Variants in CPNE8 observed in about 807,000 individuals in gnomAD.
CPNE8 encodes the protein copine 8, also known as copine-8.
Under a neutral mutation model 81.5 loss-of-function variants are expected in CPNE8, and 45 were observed. That is an observed-to-expected ratio of 0.55 (90% confidence interval 0.44 to 0.71). CPNE8 has a LOEUF of 0.71. Among genes scored for constraint, CPNE8 ranks in the 30% least tolerant of loss-of-function variants. The pLI is 0.00. For missense variants in CPNE8, 594 were observed against 672.1 expected (o/e 0.88, Z 1.28); for synonymous variants, 252 against 226.3 (o/e 1.11, Z -1.02).
At chr12:38,856,958 T>A (rs1943748529) in intron 3 of CPNE8, among the ~76,000 whole-genome samples, 1 of 152,040 alleles carries the variant, frequency 6.6e-6, no homozygotes, top group Non-Finnish European at 1.5e-5. Context: ...ACTATGAGTA[T>A]CAGGGTTTTT....
intron 7 of CPNE8, among the ~76,000 whole-genome samples, chr12:38,774,915 A>G (rs1405928745): frequency 6.6e-6 from 1 of 152,124 alleles, no homozygotes; most frequent in Non-Finnish European, 1.5e-5. Context: ...AAATTATAAT[A>G]TTAGTGTTTA....
In CPNE8 at chr12:38,900,155, G is replaced by T. The variant is rs1944438863; in HGVS notation, c.98+5282C>A. On this transcript the variant is annotated intron_variant, in intron 1 of 19. Transcript: ENST00000331366. ...TTAAGCTCCAGCACACCATCAAAAA[G>T]TATCTTCCTAACACCCTAGTAGGGT... is the stretch of plus-strand genomic sequence containing the variant. 2.0e-5 allele frequency among the ~76,000 whole-genome samples: 3 copies of T among 149,738 alleles called. No individual in the cohort carries two copies. The South Asian group carries it at 6.7e-4, about 33-fold the overall frequency.
intron 3 of CPNE8, among the ~76,000 whole-genome samples, chr12:38,852,541 G>A (rs1943663340): frequency 6.6e-6 from 1 of 152,060 alleles, no homozygotes; most frequent in African/African-American, 2.4e-5. Flanking sequence ...GGCGGAGGTT[G>A]CGGTGAGCCA....
Position 38,902,786 on chromosome 12 carries a change from T to C in CPNE8, c.98+2651A>G, listed in dbSNP as rs149614253. Among the ~76,000 whole-genome samples the C allele has an allele frequency of 1.2e-4, 18 of 152,348 alleles. No individual in the cohort carries two copies. The East Asian group carries it at 3.3e-3, about 28-fold the overall frequency. On this transcript the variant is annotated intron_variant, in intron 1 of 19. Transcript: ENST00000331366. ...CCATACCTGAATCATATATAACACA[T>C]TTATTCAACAAATGTTATTTCCAGT... is the stretch of plus-strand genomic sequence containing the variant.
At chr12:38,744,745 T>C (rs539935258) in intron 10 of CPNE8, among the ~76,000 whole-genome samples, 1 of 97,856 alleles carries the variant, frequency 1.0e-5, no homozygotes, top group African/African-American at 3.7e-5. Flanking sequence ...CCATAAGTTA[T>C]GCATGCCTAT....
intron 6 of CPNE8, among the ~76,000 whole-genome samples, chr12:38,787,163 C>T (rs1383905307): frequency 6.6e-6 from 1 of 152,046 alleles, no homozygotes; most frequent in African/African-American, 2.4e-5. Flanking sequence ...ACATCATGTT[C>T]CTCATCACAT....
chr12:38,873,045 C>T lies in CPNE8; in HGVS notation c.145G>A (p.Val49Ile). The change falls in exon 3 of 20, where the codon GTC becomes ATC. Residue 49 changes from valine to isoleucine, a missense_variant. Val to Ile is a conservative substitution (Grantham distance 29). Transcript: ENST00000331366. ...TTTCCAACTCCTTGTACATATAAGA[C>T]ACAAACTACAAAAGATGAAAAAATA... ...DTFSKSDPICVLYVQGVGNKE... is the reference protein window; with the variant it reads ...DTFSKSDPICILYVQGVGNKE... The T allele has an allele frequency of 6.5e-7, 1 of 1,543,712 alleles. No individual in the cohort carries two copies. The highest frequency in any genetic ancestry group is 8.9e-7 in the Non-Finnish European group (1 of 1,122,728).
intron 7 of CPNE8, among the ~76,000 whole-genome samples, chr12:38,773,784 T>C (rs116445866): frequency 2.5e-4 from 38 of 152,254 alleles, no homozygotes; most frequent in African/African-American, 9.1e-4. Context: ...CTGAAGTAAC[T>C]ATGAACATTT....
At chr12:38,889,255 T>C (rs1273248157) in intron 1 of CPNE8, among the ~76,000 whole-genome samples, 3 of 152,164 alleles carry the variant, frequency 2.0e-5, no homozygotes, top group African/African-American at 7.2e-5. Flanking sequence ...GGAATATGTA[T>C]AATAAATTCA....
chr12:38,680,009 T>C (rs1034939956), intron 16 of CPNE8, among the ~76,000 whole-genome samples: 3 of 151,942 alleles, frequency 2.0e-5, no homozygotes, highest in African/African-American at 7.2e-5. Flanking sequence ...ATAAATTGCA[T>C]AATTAAGTCT....
At chr12:38,771,233 C>T (rs1941793825) in intron 7 of CPNE8, among the ~76,000 whole-genome samples, 1 of 151,154 alleles carries the variant, frequency 6.6e-6, no homozygotes, top group African/African-American at 2.4e-5. Context: ...GCAAGGGGGG[C>T]TTGGATCACT....
intron 11 of CPNE8, among the ~76,000 whole-genome samples, chr12:38,729,727 G>A (rs1028810669): frequency 6.6e-6 from 1 of 151,990 alleles, no homozygotes; most frequent in Non-Finnish European, 1.5e-5. Flanking sequence ...AGGAATAACA[G>A]TGCTAGAACA....
intron 4 of CPNE8, among the ~76,000 whole-genome samples, chr12:38,847,107 A>G (rs564592542): frequency 6.6e-6 from 1 of 152,240 alleles, no homozygotes; most frequent in Non-Finnish European, 1.5e-5. Flanking sequence ...AGGGGAGGCA[A>G]TGCTTTTTTG....
chr12:38,722,949 ACT>A (rs1480378976), intron 13 of CPNE8, among the ~76,000 whole-genome samples: 2 of 151,546 alleles, frequency 1.3e-5, no homozygotes, highest in Non-Finnish European at 2.9e-5. Context: ...CTTCACATGC[ACT>A]CTCTCGCCTG....
intron 18 of CPNE8, among the ~76,000 whole-genome samples, chr12:38,671,770 G>A (rs1421104446): frequency 6.6e-6 from 1 of 151,980 alleles, no homozygotes; most frequent in African/African-American, 2.4e-5. Flanking sequence ...TAATGCATTT[G>A]GGTTGAAAAC....
intron 6 of CPNE8, among the ~76,000 whole-genome samples, chr12:38,805,751 G>C (rs374953459): frequency 1.4e-5 from 2 of 142,418 alleles, no homozygotes; most frequent in African/African-American, 5.1e-5. Flanking sequence ...AAATAACTAA[G>C]ATCAGAGCAG....
intron 3 of CPNE8, among the ~76,000 whole-genome samples, chr12:38,871,302 A>AT (rs1943988441): frequency 6.6e-6 from 1 of 152,200 alleles, no homozygotes; most frequent in African/African-American, 2.4e-5. Context: ...ACTGGCCCAG[A>AT]TGCCTGGTAC....
At chr12:38,833,629 T>C (rs1349643529) in intron 5 of CPNE8, among the ~76,000 whole-genome samples, 5 of 151,500 alleles carry the variant, frequency 3.3e-5, no homozygotes, top group Admixed American at 1.3e-4. Flanking sequence ...CAGGCACTCG[T>C]CACCACGCCC....
intron 11 of CPNE8, 118 bp downstream of exon 11, chr12:38,730,162 ATTC>A (rs1169290896): frequency 3.2e-6 from 2 of 626,462 alleles, no homozygotes. Context: ...AACTTCAAAG[ATTC>A]TTACATACAC....
Sources: allele counts gnomAD v4.1 joint callset (sites outside exome capture counted in the v4.1 genomes callset), GRCh38; gene constraint gnomAD v4.1.1; transcripts MANE v1.5; gene names NCBI Gene and HGNC (gene_info 2026-07-23, HGNC 2026-07-21).